GRID2: variants seen among roughly 807,000 people sequenced by gnomAD.
GRID2 encodes glutamate receptor ionotropic, delta-2.
A neutral mutation model predicts 114.8 loss-of-function variants in GRID2; 33 were observed. That is an observed-to-expected ratio of 0.29 (90% CI 0.22 to 0.38). The LOEUF (loss-of-function observed/expected upper bound fraction) is 0.38. Among genes scored for constraint, GRID2 ranks in the 10% least tolerant of loss-of-function variants. The probability of loss-of-function intolerance (pLI) is 1.00; values close to 1 mark genes in which losing one functional copy is unlikely to be tolerated. For missense variants in GRID2, 1,184 were observed against 1,257.7 expected (o/e 0.94, Z 0.89); for synonymous variants, 505 against 449.9 (o/e 1.12, Z -1.55).
At chr4:92,703,520 A>G (rs1734785170) in intron 2 of GRID2, among the ~76,000 whole-genome samples, 1 of 151,304 alleles carries the variant, frequency 6.6e-6, no homozygotes, top group Non-Finnish European at 1.5e-5. Context: ...GAGACAGTGA[A>G]CCTCTTTAAA....
intron 2 of GRID2, among the ~76,000 whole-genome samples, chr4:92,696,870 T>TA (rs1465660438): frequency 1.3e-5 from 2 of 152,150 alleles, no homozygotes; most frequent in African/African-American, 4.8e-5. Flanking sequence ...GGTACAACAA[T>TA]AAAAAATCTT....
rs546555981 is a variant in GRID2, at chr4:92,617,305, C to T, written c.244+27019C>T. ...CATATGCCATGGTGGTTTGCTGCAC[C>T]TATCAACCCGTCATCTAGCTTTTAA... On this transcript the variant is annotated intron_variant, in intron 2 of 15. Transcript: ENST00000282020. 2.6e-5 allele frequency among the ~76,000 whole-genome samples: 4 copies of T among 151,434 alleles called. No individual in the cohort carries two copies. The South Asian group carries it at 8.3e-4, about 31-fold the overall frequency.
At chr4:92,809,873 A>G (rs1740588178) in intron 2 of GRID2, among the ~76,000 whole-genome samples, 1 of 151,982 alleles carries the variant, frequency 6.6e-6, no homozygotes, top group South Asian at 2.1e-4. Context: ...TATTTATATC[A>G]CCAGGTGTAG....
chr4:93,147,894 C>G (rs1320566687), intron 4 of GRID2, among the ~76,000 whole-genome samples: 1 of 152,082 alleles, frequency 6.6e-6, no homozygotes, highest in Non-Finnish European at 1.5e-5. Context: ...GTTGTACTTA[C>G]AAATGTTAAT....
chr4:93,742,190 CTTCA>C (rs938938759), intron 14 of GRID2, among the ~76,000 whole-genome samples: 8 of 152,254 alleles, frequency 5.3e-5, no homozygotes, highest in Non-Finnish European at 1.2e-4. Flanking sequence ...ACACTAATTT[CTTCA>C]TTCATTTAGC....
intron 2 of GRID2, among the ~76,000 whole-genome samples, chr4:92,775,704 T>C (rs1578175761): frequency 6.6e-6 from 1 of 152,140 alleles, no homozygotes; most frequent in Non-Finnish European, 1.5e-5. Context: ...AATTTTCACT[T>C]TCTTGTAACT....
intron 2 of GRID2, among the ~76,000 whole-genome samples, chr4:92,886,402 A>G (rs147221403): frequency 2.4e-3 from 366 of 152,226 alleles, no homozygotes; most frequent in African/African-American, 7.2e-3. Context: ...GGCACAATAG[A>G]TTTTTAGATG....
At chr4:93,741,203 A>ATATATATG in intron 14 of GRID2, among the ~76,000 whole-genome samples, 1 of 91,650 alleles carries the variant, frequency 1.1e-5, no homozygotes, top group African/African-American at 4.3e-5. Context: ...ATATATATGT[A>ATATATATG]TATATATATA....
intron 1 of GRID2, among the ~76,000 whole-genome samples, chr4:92,525,068 G>C (rs1724980430): frequency 6.6e-6 from 1 of 151,978 alleles, no homozygotes; most frequent in Non-Finnish European, 1.5e-5. Context: ...AAACCAAAGT[G>C]TCCAGACTCA....
chr4:92,850,489 G>A (rs1001600501), intron 2 of GRID2, among the ~76,000 whole-genome samples: 5 of 151,766 alleles, frequency 3.3e-5, no homozygotes, highest in African/African-American at 1.2e-4. Context: ...ACATAGATAT[G>A]GTTTTATTTG....
chr4:92,783,517 AT>A (rs1739180478), intron 2 of GRID2, among the ~76,000 whole-genome samples: 1 of 152,090 alleles, frequency 6.6e-6, no homozygotes, highest in Admixed American at 6.6e-5. Context: ...ATATCAAATC[AT>A]TGTTTTCTTT....
intron 14 of GRID2, among the ~76,000 whole-genome samples, chr4:93,759,184 A>G (rs1640578652): frequency 6.6e-6 from 1 of 152,094 alleles, no homozygotes; most frequent in South Asian, 2.1e-4. Flanking sequence ...TAGTCACCAA[A>G]GTCTTGAGAT....
chr4:93,065,742 A>G (rs1728235790), intron 2 of GRID2, among the ~76,000 whole-genome samples: 1 of 151,890 alleles, frequency 6.6e-6, no homozygotes, highest in Non-Finnish European at 1.5e-5. Context: ...TTGTTGTATC[A>G]ATAGTGATTC....
At chr4:92,925,198 TG>T (rs1160883929) in intron 2 of GRID2, among the ~76,000 whole-genome samples, 1 of 152,078 alleles carries the variant, frequency 6.6e-6, no homozygotes, top group East Asian at 1.9e-4. Context: ...TTCATTTTAT[TG>T]TGTAATCTGG....
intron 8 of GRID2, among the ~76,000 whole-genome samples, chr4:93,281,808 T>C (rs779581429): frequency 3.2e-4 from 49 of 152,094 alleles, no homozygotes; most frequent in Non-Finnish European, 6.5e-4. Context: ...TAAATCTTTT[T>C]CCTATAGATA....
chr4:92,658,520 T>C (rs571532252), intron 2 of GRID2, among the ~76,000 whole-genome samples: 1 of 151,732 alleles, frequency 6.6e-6, no homozygotes, highest in Non-Finnish European at 1.5e-5. Flanking sequence ...TTGGAAGAGC[T>C]AAGCAAATCA....
intron 8 of GRID2, among the ~76,000 whole-genome samples, chr4:93,324,521 C>G (rs995420579): frequency 2.7e-4 from 41 of 151,996 alleles, no homozygotes; most frequent in African/African-American, 9.2e-4. Flanking sequence ...TCTCTGCCAG[C>G]CTTTGGTATC....
intron 4 of GRID2, among the ~76,000 whole-genome samples, chr4:93,131,978 C>A (rs919527689): frequency 6.6e-6 from 1 of 152,030 alleles, no homozygotes; most frequent in Non-Finnish European, 1.5e-5. Context: ...GGAACTTGTT[C>A]TTTAGTCATT....
chr4:92,864,165 G>C (rs1310174157), intron 2 of GRID2, among the ~76,000 whole-genome samples: 2 of 152,036 alleles, frequency 1.3e-5, no homozygotes, highest in African/African-American at 4.8e-5. Context: ...ACATAAACCT[G>C]GGTTCACTCT....
Sources: gnomAD v4.1 joint callset for allele counts (sites outside exome capture counted in the v4.1 genomes callset) on GRCh38, gnomAD v4.1.1 for gene constraint, MANE v1.5 for transcripts, NCBI Gene and HGNC (gene_info 2026-07-23, HGNC 2026-07-21) for gene names.